The following LYAR variants were observed in gnomAD, a reference collection of about 807,000 sequenced individuals.
The protein encoded by LYAR is cell growth-regulating nucleolar protein.
Under a neutral mutation model 45.2 loss-of-function variants are expected in LYAR, and 37 were observed. The ratio of observed to expected loss-of-function variants is 0.82; its 90% CI spans 0.63 to 1.08. LYAR has a LOEUF of 1.08. Among genes scored for constraint, LYAR ranks in the 50% least tolerant of loss-of-function variants. LYAR has a pLI of 0.00. For synonymous variants in LYAR, 176 were observed against 155.1 expected (o/e 1.14, Z -1.00); for missense variants, 493 against 451.0 (o/e 1.09, Z -0.84).
intron 4 of LYAR, 118 bp downstream of exon 4, chr4:4,281,665 G>C: frequency 2.6e-6 from 2 of 759,824 alleles, no homozygotes; most frequent in Non-Finnish European, 4.6e-6. Context: ...TCTATCCTAG[G>C]ACATGAGGTT....
At chr4:4,281,585 C>T (rs1188714831) in intron 4 of LYAR, among the ~76,000 whole-genome samples, 198 bp downstream of exon 4, 4 of 152,242 alleles carry the variant, frequency 2.6e-5, no homozygotes, top group African/African-American at 7.2e-5. Context: ...TCCCAAAGTG[C>T]TGGGATTACA....
rs758524558 is a variant in LYAR, at chr4:4,274,354, G to A, written c.832+13C>T. 1 of 1,604,378 alleles carries A rather than the reference G, an allele frequency of 6.2e-7. No individual in the cohort carries two copies. Among genetic ancestry groups the A allele is most frequent in the Middle Eastern group, 1.7e-4 (1 of 6,012 alleles). On this transcript the variant is annotated intron_variant, in intron 7 of 9. Coordinates refer to ENST00000343470, the MANE Select transcript of LYAR (RefSeq NM_017816.3). ...TTTTCAGATGAATCCCAGAGCGTGA[G>A]CTAGCCACTTACCTTCCGAGTGCCT...
In LYAR at chr4:4,268,535, T is replaced by C. The variant is rs2108835113; in HGVS notation, c.1000A>G (p.Lys334Glu). Residue 334 changes from lysine to glutamate, a missense_variant, in exon 9 of 10, where the codon AAA becomes GAA. Lys to Glu is a moderately conservative substitution (Grantham distance 56). Coordinates refer to ENST00000343470, the MANE Select transcript of LYAR (RefSeq NM_017816.3). Reference sequence around the variant, plus strand: ...GGTTTGTTCATATGCCATACCTTTTTCCTTAGCTTTTTGATGGTTATTTCA... The same window carrying C: ...GGTTTGTTCATATGCCATACCTTTTCCCTTAGCTTTTTGATGGTTATTTCA... ...DNEITIKKLRKKVLAQYYTVT... is the reference protein window; with the variant it reads ...DNEITIKKLREKVLAQYYTVT... 6.2e-7 allele frequency: 1 copy of C among 1,610,012 alleles called. No homozygotes were observed.
At chr4:4,271,516 C>A (rs1718931763) in intron 8 of LYAR, among the ~76,000 whole-genome samples, 1 of 152,154 alleles carries the variant, frequency 6.6e-6, no homozygotes, top group Non-Finnish European at 1.5e-5. Context: ...TTCCTTTCTT[C>A]TGAATATATA....
chr4:4,275,205 A>G (rs1201521709), intron 6 of LYAR, among the ~76,000 whole-genome samples: 1 of 152,220 alleles, frequency 6.6e-6, no homozygotes, highest in Non-Finnish European at 1.5e-5. Flanking sequence ...TATCTTTTCC[A>G]AACCTATTTC....
At chr4:4,288,597 G>A (rs1349439643) in intron 1 of LYAR, among the ~76,000 whole-genome samples, 11 of 150,112 alleles carry the variant, frequency 7.3e-5, no homozygotes, top group Admixed American at 1.3e-4. Flanking sequence ...GTGATTCTCC[G>A]GCCTCAGCCT....
rs1177497790 is a variant in LYAR at position 4,274,696 on chromosome 4, T to C, written c.503A>G (p.Lys168Arg). The change falls in exon 7 of 10, where the codon AAG becomes AGG. Residue 168 changes from lysine (K) to arginine (R), a missense_variant. By Grantham distance (26) the Lys-to-Arg change is conservative. Transcript: ENST00000343470. ...GTCTTTCACTTTGGAGGCTGGAACCTTGGTGGAGATTTCTGCATGTGGATT... is the reference window on the plus strand; with the variant it reads ...GTCTTTCACTTTGGAGGCTGGAACCCTGGTGGAGATTTCTGCATGTGGATT... ...VANPHAEIST[K>R]VPASKVKDAV... is the part of the protein sequence containing the mutation. 1.2e-6 allele frequency: 2 copies of C among 1,613,914 alleles called. No individual in the cohort carries two copies. Among genetic ancestry groups the C allele is most frequent in the South Asian group, 1.1e-5 (1 of 91,002 alleles).
chr4:4,289,040 T>C (rs897971905), intron 1 of LYAR, among the ~76,000 whole-genome samples: 2 of 152,190 alleles, frequency 1.3e-5, no homozygotes, highest in Non-Finnish European at 2.9e-5. Flanking sequence ...ACCATGGGTA[T>C]GGTGCAAGAG....
At chr4:4,274,295 A>C in intron 7 of LYAR, 72 bp downstream of exon 7, 1 of 1,516,250 alleles carries the variant, frequency 6.6e-7, no homozygotes, top group African/African-American at 1.4e-5. Flanking sequence ...TAGGTCTAAC[A>C]GGCTTAAATA....
At chr4:4,277,342 C>T (rs995379280) in intron 6 of LYAR, among the ~76,000 whole-genome samples, 63 of 152,260 alleles carry the variant, frequency 4.1e-4, no homozygotes, top group Non-Finnish European at 5.4e-4. Flanking sequence ...CCACTGTGCC[C>T]GCCATAAAAT....
chr4:4,280,462 T>G (rs1207006480), intron 4 of LYAR, among the ~76,000 whole-genome samples: 2 of 152,194 alleles, frequency 1.3e-5, no homozygotes, highest in African/African-American at 4.8e-5. Context: ...AGATACCAAA[T>G]AGCCAAAACA....
At chr4:4,287,145 T>G (rs974008815) in intron 1 of LYAR, among the ~76,000 whole-genome samples, 2 of 152,160 alleles carry the variant, frequency 1.3e-5, no homozygotes, top group Non-Finnish European at 2.9e-5. Flanking sequence ...GAGTCCTCTT[T>G]TCCTTCCCTG....
chr4:4,288,477 A>AT (rs1188838428), intron 1 of LYAR, among the ~76,000 whole-genome samples: 2 of 137,684 alleles, frequency 1.5e-5, no homozygotes, highest in Admixed American at 7.3e-5. Context: ...TACTTATTCA[A>AT]TTTTTTTTCT....
chr4:4,272,538 T>C (rs1206151860), intron 8 of LYAR, among the ~76,000 whole-genome samples: 1 of 152,222 alleles, frequency 6.6e-6, no homozygotes, highest in East Asian at 1.9e-4. Flanking sequence ...AATTTTACAA[T>C]ACACTATAAT....
Position 4,274,694 on chromosome 4 carries a change from C to A in LYAR, c.505G>T (p.Val169Phe), listed in dbSNP as rs956087186. The change falls in exon 7 of 10, where the codon GTT becomes TTT. Residue 169 changes from valine (V) to phenylalanine (F), a missense_variant. Transcript: ENST00000343470. ...ANPHAEISTK[V>F]PASKVKDAVE... ...GCGTCTTTCACTTTGGAGGCTGGAA[C>A]CTTGGTGGAGATTTCTGCATGTGGA... The A allele has an allele frequency of 2.5e-6, 4 of 1,614,046 alleles. No homozygotes were observed. Among genetic ancestry groups the A allele is most frequent in the Non-Finnish European group, 3.4e-6 (4 of 1,180,014 alleles).
rs576106967 is a variant in LYAR at position 4,282,223 on chromosome 4, G to C, written c.123-326C>G. 2.5e-3 allele frequency among the ~76,000 whole-genome samples: 386 copies of C among 152,060 alleles called. 3 individuals carry two copies. The highest frequency in any genetic ancestry group is 3.1e-3 in the Non-Finnish European group (212 of 67,994). On this transcript the variant is annotated intron_variant, in intron 3 of 9. Coordinates refer to ENST00000343470, the MANE Select transcript of LYAR (RefSeq NM_017816.3). ...ACAAGAAAATAGTTCTATGCAATAG[G>C]GTAGTTTTTTTAAATTATAAAAATC...
chr4:4,268,054 T>C (rs995098126), intron 9 of LYAR, 31 bp from the exon 10 acceptor site: 2 of 1,526,996 alleles, frequency 1.3e-6, no homozygotes, highest in Non-Finnish European at 1.8e-6. Flanking sequence ...AATGAGTGTA[T>C]TTGACCTGGA....
chr4:4,283,531 T>G, intron 3 of LYAR, 90 bp downstream of exon 3: 1 of 1,343,252 alleles, frequency 7.4e-7, no homozygotes, highest in East Asian at 2.4e-5. Flanking sequence ...TTCTTCAAAT[T>G]TGCCACTATT....
intron 1 of LYAR, among the ~76,000 whole-genome samples, chr4:4,286,842 G>A (rs1719637473): frequency 6.6e-6 from 1 of 151,964 alleles, no homozygotes; most frequent in African/African-American, 2.4e-5. Context: ...AGAGATAGAT[G>A]GGGTTTCACC....
Sources: allele counts gnomAD v4.1 joint callset (sites outside exome capture counted in the v4.1 genomes callset), GRCh38; gene constraint gnomAD v4.1.1; transcripts MANE v1.5; gene names NCBI Gene and HGNC (gene_info 2026-07-23, HGNC 2026-07-21).